The following NELL2 variants were observed in gnomAD, a reference collection of about 807,000 sequenced individuals.
NELL2 encodes the protein neural EGFL like 2, also known as protein kinase C-binding protein NELL2.
In NELL2, 41 loss-of-function variants were observed where a neutral mutation model predicts 109.6. That is an observed-to-expected ratio of 0.37 (90% CI 0.29 to 0.49). The LOEUF is 0.49. Among genes scored for constraint, NELL2 ranks in the 20% least tolerant of loss-of-function variants. NELL2 has a pLI of 0.98. For synonymous variants in NELL2, 355 were observed against 344.7 expected, an observed-to-expected ratio of 1.03 and a Z score of -0.33; for missense variants, 900 against 1,008.3, an observed-to-expected ratio of 0.89 and a Z score of 1.45.
At chr12:44,585,906 G>A (rs1592159351) in intron 15 of NELL2, among the ~76,000 whole-genome samples, 1 of 151,032 alleles carries the variant, frequency 6.6e-6, no homozygotes, top group South Asian at 2.1e-4. Flanking sequence ...AAAAAAAACT[G>A]CATTAGAAGT....
chr12:44,841,842 C>T (rs368321719), intron 2 of NELL2, among the ~76,000 whole-genome samples: 1 of 152,072 alleles, frequency 6.6e-6, no homozygotes, highest in South Asian at 2.1e-4. Context: ...CCAGAAAGAT[C>T]ATGCCTTAGG....
intron 15 of NELL2, among the ~76,000 whole-genome samples, chr12:44,580,455 G>A (rs531616906): frequency 1.3e-5 from 2 of 152,236 alleles, no homozygotes; most frequent in South Asian, 2.1e-4. Flanking sequence ...GGTGGCTTAC[G>A]CCTGTAATCC....
intron 9 of NELL2, among the ~76,000 whole-genome samples, chr12:44,769,683 T>C (rs1592497254): frequency 6.6e-6 from 1 of 152,266 alleles, no homozygotes. Context: ...ATGAGTACTA[T>C]TCACATAGCC....
At chr12:44,701,330 G>T (rs1356825327) in intron 12 of NELL2, among the ~76,000 whole-genome samples, 1 of 151,888 alleles carries the variant, frequency 6.6e-6, no homozygotes, top group African/African-American at 2.4e-5. Flanking sequence ...ACTTTCTTAT[G>T]TTTTGAAGAT....
intron 2 of NELL2, among the ~76,000 whole-genome samples, chr12:44,841,798 G>A (rs750051476): frequency 6.6e-6 from 1 of 152,006 alleles, no homozygotes; most frequent in Non-Finnish European, 1.5e-5. Context: ...ATCCAGAGTG[G>A]AGCAATCTCT....
chr12:44,754,921 C>T (rs897657666), intron 9 of NELL2, among the ~76,000 whole-genome samples: 1 of 152,166 alleles, frequency 6.6e-6, no homozygotes, highest in Admixed American at 6.5e-5. Context: ...GCAGCTAATT[C>T]AACAAAAACT....
chr12:44,619,286 A>G (rs1339280307), intron 13 of NELL2, among the ~76,000 whole-genome samples: 1 of 152,180 alleles, frequency 6.6e-6, no homozygotes, highest in Non-Finnish European at 1.5e-5. Flanking sequence ...AGAGAACAGT[A>G]AGAAATAATT....
At chr12:44,875,015 G>C (rs1178306457) in intron 2 of NELL2, 5 of 564,652 alleles carry the variant, frequency 8.9e-6, no homozygotes, top group Non-Finnish European at 1.2e-5. Flanking sequence ...GAACTGGCAA[G>C]AGTACAAAGT....
intron 13 of NELL2, among the ~76,000 whole-genome samples, chr12:44,621,757 CAA>C (rs938999962): frequency 6.6e-6 from 1 of 151,518 alleles, no homozygotes; most frequent in Non-Finnish European, 1.5e-5. Context: ...TAAGAAAAAA[CAA>C]AGAAAATAAA....
chr12:44,634,993 G>A (rs1946582833), intron 13 of NELL2, among the ~76,000 whole-genome samples: 1 of 152,130 alleles, frequency 6.6e-6, no homozygotes, highest in South Asian at 2.1e-4. Context: ...GCGTGAGATA[G>A]TATCTCATTG....
chr12:44,559,676 C>T (rs573611896), intron 15 of NELL2, among the ~76,000 whole-genome samples: 1 of 152,218 alleles, frequency 6.6e-6, no homozygotes, highest in East Asian at 1.9e-4. Context: ...CAGATTCATA[C>T]AGCAAGTCCT....
chr12:44,807,806 G>A lies in NELL2; in HGVS notation c.335+8180C>T, dbSNP rs977359892. 1.1e-4 allele frequency among the ~76,000 whole-genome samples: 17 copies of A among 152,066 alleles called. No homozygotes were observed. In the East Asian group the frequency reaches 3.1e-3, roughly 28 times the overall value. On this transcript the variant is annotated intron_variant, in intron 3 of 19. Coordinates refer to ENST00000429094, the MANE Select transcript of NELL2 (RefSeq NM_001145108.2). ...AGAAATGATATGGCAACACAGAAAC[G>A]GGAAGTATGAGAAATTGCAAGCAGG...
At chr12:44,911,176 A>C (rs569385486) in intron 1 of NELL2, among the ~76,000 whole-genome samples, 1 of 152,142 alleles carries the variant, frequency 6.6e-6, no homozygotes, top group East Asian at 1.9e-4. Context: ...AGGTAAATAA[A>C]GTACTGTTTT....
intron 13 of NELL2, among the ~76,000 whole-genome samples, chr12:44,636,178 T>C (rs1281732736): frequency 1.3e-5 from 2 of 152,140 alleles, no homozygotes; most frequent in Non-Finnish European, 2.9e-5. Flanking sequence ...CTTAAGGAGA[T>C]TTTTGCTGAG....
At chr12:44,532,776 G>T (rs1942139014) in intron 15 of NELL2, 55 bp from the exon 16 acceptor site, 2 of 1,536,454 alleles carry the variant, frequency 1.3e-6, no homozygotes, top group Admixed American at 3.7e-5. Context: ...AAAGAAACTA[G>T]AATATTCTGC....
At chr12:44,880,114 TACACAC>T (rs747220208), upstream of NELL2, among the ~76,000 whole-genome samples, 5 of 137,058 alleles carry the variant, frequency 3.6e-5, no homozygotes, top group Non-Finnish European at 8.0e-5. Context: ...TCAAGAAACA[TACACAC>T]ACACACACAC....
At position 44,582,524 on chromosome 12, in the gene NELL2, T is replaced by C. The variant is rs189401630; in HGVS notation, c.1663+24645A>G. Among the ~76,000 whole-genome samples the C allele has an allele frequency of 2.6e-3, 396 of 152,220 alleles. 1 individual carries two copies. Among genetic ancestry groups the C allele is most frequent in the African/African-American group, 9.2e-3 (381 of 41,516 alleles). On this transcript the variant is annotated intron_variant, in intron 15 of 19. Transcript: ENST00000429094. ...AAAGTGCTTAGATAAAATAATATGT[T>C]CAACAAAGTTAAACAATTAATGAAG...
intron 3 of NELL2, among the ~76,000 whole-genome samples, chr12:44,786,106 A>T (rs1164094329): frequency 6.6e-6 from 1 of 152,208 alleles, no homozygotes; most frequent in East Asian, 1.9e-4. Context: ...ACAGAATGGG[A>T]GAAAATTTTG....
chr12:44,851,044 C>A (rs1944520297), intron 2 of NELL2, among the ~76,000 whole-genome samples: 1 of 152,080 alleles, frequency 6.6e-6, no homozygotes, highest in South Asian at 2.1e-4. Context: ...TATGTACATA[C>A]CTAAATAACT....
Sources: allele counts gnomAD v4.1 joint callset (sites outside exome capture counted in the v4.1 genomes callset), GRCh38; gene constraint gnomAD v4.1.1; transcripts MANE v1.5; gene names NCBI Gene and HGNC (gene_info 2026-07-23, HGNC 2026-07-21).